Variants in BAZ1B observed in about 807,000 individuals in gnomAD.
BAZ1B encodes the protein tyrosine-protein kinase BAZ1B.
In BAZ1B, 22 loss-of-function variants were observed where a neutral mutation model predicts 153.8. That is an observed-to-expected ratio of 0.14 (90% confidence interval 0.10 to 0.20). The LOEUF is 0.20. Ranked by LOEUF, BAZ1B falls within the 10% of genes least tolerant of loss-of-function variation. BAZ1B has a pLI of 1.00. For synonymous variants in BAZ1B, 676 were observed against 633.4 expected (o/e 1.07, Z -1.01); for missense variants, 1,325 against 1,799.3 (o/e 0.74, Z 4.77).
chr7:73,478,108 T>C lies in BAZ1B; in HGVS notation c.1353A>G (p.Thr451=), dbSNP rs782252902. The change falls in exon 7 of 20, where the codon ACA becomes ACG. Residue 451 remains threonine (T), a synonymous_variant. Transcript: ENST00000339594. ...TACCCCCAGAATTCCGTGGGGCTCG[T>C]GTCATCTTCTGCGTGCCTTTGGCCA... ...LDMAKGTQKM[T]RAPRNSGGTP... The C allele has an allele frequency of 2.5e-6, 4 of 1,614,112 alleles. No homozygotes were observed. In the East Asian group the frequency reaches 8.9e-5, roughly 36 times the overall value.
intron 2 of BAZ1B, among the ~76,000 whole-genome samples, chr7:73,508,784 C>T (rs1434249049): frequency 1.3e-5 from 2 of 152,008 alleles, no homozygotes; most frequent in Admixed American, 6.6e-5. Flanking sequence ...GAGGCCGAGG[C>T]GGGTGGATCA....
chr7:73,500,663 G>T (rs1790089827), intron 3 of BAZ1B, among the ~76,000 whole-genome samples: 2 of 151,956 alleles, frequency 1.3e-5, no homozygotes, highest in Admixed American at 1.3e-4. Context: ...GGCTGAAGTG[G>T]GTGGGTCACC....
chr7:73,510,842 C>T lies in BAZ1B; in HGVS notation c.118G>A (p.Ala40Thr). The T allele has an allele frequency of 6.2e-7, 1 of 1,614,072 alleles. No individual in the cohort carries two copies. Among genetic ancestry groups the T allele is most frequent in the Non-Finnish European group, 8.5e-7 (1 of 1,179,972 alleles). Residue 40 changes from alanine (A) to threonine (T), a missense_variant, in exon 2 of 20, where the codon GCC (alanine) becomes ACC (threonine). Around this residue, in one of 9 missense-constraint regions of BAZ1B, gnomAD observed 61 missense variants for 61.5 expected, o/e 0.99. Transcript: ENST00000339594. The part of the protein sequence containing the change: ...EAFRTREEYE[A>T]RLERYSERIW... ...CGCTCACTGTACCTTTCCAAGCGGG[C>T]TTCATACTCTCTGTTGGCAGTAGTT... is the stretch of plus-strand genomic sequence containing the variant.
chr7:73,518,794 C>A (rs538579156), intron 1 of BAZ1B, among the ~76,000 whole-genome samples: 2 of 152,294 alleles, frequency 1.3e-5, no homozygotes, highest in Admixed American at 1.3e-4. Context: ...CATTATCATA[C>A]CCTCAATAAA....
intron 4 of BAZ1B, among the ~76,000 whole-genome samples, chr7:73,498,179 C>T (rs568968870): frequency 1.3e-5 from 2 of 152,172 alleles, no homozygotes; most frequent in Admixed American, 1.3e-4. Flanking sequence ...AGGCTGGTCT[C>T]GAACTCTTGA....
Position 73,477,896 on chromosome 7 carries a change from A to G in BAZ1B, c.1565T>C (p.Val522Ala). Residue 522 changes from valine (V) to alanine (A), a missense_variant, in exon 7 of 20, where the codon GTT becomes GCT. Val to Ala is a moderately conservative substitution (Grantham distance 64). Coordinates refer to ENST00000339594, the MANE Select transcript of BAZ1B (RefSeq NM_032408.4). This position sits in a 1 kb window ranked among gnomAD's most constrained non-coding sequence, Gnocchi z 5.6. ...ARLPEELRSLVQKRYELLEHK... is the reference protein window; with the variant it reads ...ARLPEELRSLAQKRYELLEHK... ...CTCTAGAAGTTCATAGCGTTTTTGA[A>G]CAAGACTTCGCAATTCTTCTGGGAG... The G allele has an allele frequency of 6.2e-7, 1 of 1,614,136 alleles. No homozygotes were observed. Among genetic ancestry groups the G allele is most frequent in the Non-Finnish European group, 8.5e-7 (1 of 1,180,026 alleles).
intron 15 of BAZ1B, 106 bp downstream of exon 15, chr7:73,449,436 T>C: frequency 7.4e-7 from 1 of 1,342,584 alleles, no homozygotes; most frequent in South Asian, 1.6e-5. Context: ...ACCCAAAAGA[T>C]GAACTTAAAG....
chr7:73,521,061 CATGTTCCTA>C (rs1791016480), intron 1 of BAZ1B, among the ~76,000 whole-genome samples: 1 of 152,194 alleles, frequency 6.6e-6, no homozygotes, highest in African/African-American at 2.4e-5. Flanking sequence ...CATCCAATTT[CATGTTCCTA>C]AAATACAACA....
chr7:73,496,216 G>GC, intron 4 of BAZ1B, among the ~76,000 whole-genome samples: 1 of 152,240 alleles, frequency 6.6e-6, no homozygotes. Context: ...TCAAGGAATT[G>GC]CAAGTAATGC....
chr7:73,517,526 A>C (rs1790855362), intron 1 of BAZ1B, among the ~76,000 whole-genome samples: 1 of 152,122 alleles, frequency 6.6e-6, no homozygotes, highest in Admixed American at 6.6e-5. Context: ...AAAAAAGGGA[A>C]AGCAAGAAAA....
chr7:73,441,745 T>C (rs1787626110), intron 19 of BAZ1B, 52 bp from the exon 20 acceptor site: 1 of 172,654 alleles, frequency 5.8e-6, no homozygotes, highest in Non-Finnish European at 1.2e-5. Flanking sequence ...GAAACAAGAC[T>C]GTATAATAAA....
At position 73,493,753 on chromosome 7, in the gene BAZ1B, G is replaced by A. The variant is rs371469595; in HGVS notation, c.572-832C>T. Among the ~76,000 whole-genome samples the A allele has an allele frequency of 7.3e-5, 11 of 151,344 alleles. No individual in the cohort carries two copies. The East Asian group carries it at 2.0e-3, about 27-fold the overall frequency. On this transcript the variant is annotated intron_variant, in intron 4 of 19. Transcript: ENST00000339594. ...GCAACTTGGGCGGCTAGGGTAGGAT[G>A]GCTTGAGCCTGGGAGGTCAGGGCTG...
chr7:73,517,877 A>G (rs1451988653), intron 1 of BAZ1B, among the ~76,000 whole-genome samples: 2 of 152,330 alleles, frequency 1.3e-5, no homozygotes, highest in African/African-American at 4.8e-5. Context: ...GTTTCTTTCA[A>G]TTAAGTACTT....
intron 6 of BAZ1B, among the ~76,000 whole-genome samples, chr7:73,488,765 G>T (rs1789521549): frequency 1.3e-5 from 2 of 151,072 alleles, no homozygotes; most frequent in Non-Finnish European, 2.9e-5. Context: ...GAAAATACTA[G>T]GTTTTCCACT....
At chr7:73,486,708 T>C (rs2116369628) in intron 6 of BAZ1B, among the ~76,000 whole-genome samples, 1 of 152,308 alleles carries the variant, frequency 6.6e-6, no homozygotes, top group East Asian at 1.9e-4. Flanking sequence ...GACAGAACAT[T>C]ACATTCTACA....
chr7:73,463,948 C>T (rs1370704533), intron 11 of BAZ1B, among the ~76,000 whole-genome samples: 3 of 152,178 alleles, frequency 2.0e-5, no homozygotes, highest in Non-Finnish European at 4.4e-5. Flanking sequence ...CCTTGTGATC[C>T]GCCTGCCTCT....
chr7:73,522,238 A>G lies in BAZ1B; in HGVS notation c.-305T>C. The G allele has an allele frequency of 5.3e-6, 2 of 380,568 alleles. No individual in the cohort carries two copies. Among genetic ancestry groups the G allele is most frequent in the East Asian group, 3.7e-5 (1 of 26,724 alleles). The allele number at this position is 380,568 out of a possible 1,614,324, so 23.6% of individuals were successfully genotyped here. A position where few individuals can be genotyped will look rare whatever the true frequency, so the allele number is the denominator to read the frequency against. ...CTCCTCAGCAGCACCGGAGGAAATT[A>G]TTGAAAAATGGCGGGAGATTCCCCT... On this transcript the variant is annotated 5_prime_UTR_variant, in exon 1 of 20. Coordinates refer to ENST00000339594, the MANE Select transcript of BAZ1B (RefSeq NM_032408.4).
chr7:73,495,871 G>A (rs1340954366), intron 4 of BAZ1B, among the ~76,000 whole-genome samples: 1 of 152,128 alleles, frequency 6.6e-6, no homozygotes, highest in African/African-American at 2.4e-5. Flanking sequence ...ACACACTCAG[G>A]CCTTTTAAAG....
At chr7:73,495,077 A>C (rs1279209541) in intron 4 of BAZ1B, among the ~76,000 whole-genome samples, 1 of 152,192 alleles carries the variant, frequency 6.6e-6, no homozygotes, top group Admixed American at 6.5e-5. Context: ...TGAGGTCCAG[A>C]GTTCGAGACC....
Sources: allele counts gnomAD v4.1 joint callset (sites outside exome capture counted in the v4.1 genomes callset), GRCh38; gene constraint gnomAD v4.1.1; regional missense constraint gnomAD v4.1.1; non-coding constraint Gnocchi (gnomAD v3.1); transcripts MANE v1.5; gene names NCBI Gene and HGNC (gene_info 2026-07-23, HGNC 2026-07-21).